Variants in RGS7BP observed in about 807,000 individuals in gnomAD.
RGS7BP encodes regulator of G protein signaling 7-binding protein.
Under a neutral mutation model 31.3 loss-of-function variants are expected in RGS7BP, and 9 were observed. The observed-to-expected ratio is 0.29, with a 90% confidence interval of 0.17 to 0.50. The LOEUF is 0.50. RGS7BP is among the 20% of genes least tolerant of loss of function. The pLI, the probability that RGS7BP is intolerant of heterozygous loss-of-function variation, is 0.98. For missense variants in RGS7BP, 274 were observed against 322.0 expected, an observed-to-expected ratio of 0.85 and a Z score of 1.14; for synonymous variants, 115 against 120.1, an observed-to-expected ratio of 0.96 and a Z score of 0.28.
rs1194420959 is a variant in RGS7BP, at chr5:64,611,982, C to A, written c.*2730C>A. On this transcript the variant is annotated 3_prime_UTR_variant, in exon 6 of 6. Transcript: ENST00000334025. Reference sequence around the variant, plus strand: ...AGGGTTAAGAAGAGAACATTGAACTCATTTTGTCGCATGTACCCACAGGCT... The same window carrying A: ...AGGGTTAAGAAGAGAACATTGAACTAATTTTGTCGCATGTACCCACAGGCT... The A allele has an allele frequency of 6.6e-6, 1 of 152,124 alleles. No homozygotes were observed. The highest frequency in any genetic ancestry group is 1.5e-5 in the Non-Finnish European group (1 of 67,886). 9.4% of individuals were successfully genotyped at this position (152,124 alleles called of 1,614,324 possible).
rs192107136 is a variant in RGS7BP at position 64,528,714 on chromosome 5, G to A, written c.332+20837G>A. On this transcript the variant is annotated intron_variant, in intron 2 of 5. Transcript: ENST00000334025. ...TAATCCCAGCTACTCAGGAGGCTGC[G>A]GCAGGAGAATCGCTTGAACCCGGGA... Among the ~76,000 whole-genome samples the A allele has an allele frequency of 4.0e-5, 6 of 151,476 alleles. No individual in the cohort carries two copies. The East Asian group carries it at 5.9e-4, about 15-fold the overall frequency.
intron 3 of RGS7BP, among the ~76,000 whole-genome samples, chr5:64,576,658 G>A (rs560319465): frequency 3.3e-5 from 5 of 152,208 alleles, no homozygotes; most frequent in African/African-American, 1.2e-4. Context: ...TGTAGATAGC[G>A]GGGAGGAATT....
At chr5:64,548,718 G>A (rs1238716141) in intron 2 of RGS7BP, among the ~76,000 whole-genome samples, 3 of 151,968 alleles carry the variant, frequency 2.0e-5, no homozygotes, top group Non-Finnish European at 4.4e-5. Context: ...TGTTGGCCAG[G>A]CTGGTCTCGA....
intron 2 of RGS7BP, among the ~76,000 whole-genome samples, chr5:64,548,857 T>C (rs2111830438): frequency 6.6e-6 from 1 of 151,956 alleles, no homozygotes; most frequent in Non-Finnish European, 1.5e-5. Context: ...TTTCCTTTTT[T>C]TTTTTTTTTT....
intron 2 of RGS7BP, among the ~76,000 whole-genome samples, chr5:64,519,915 T>C (rs997341967): frequency 6.6e-6 from 1 of 152,096 alleles, no homozygotes; most frequent in African/African-American, 2.4e-5. Context: ...GAGCTGAGAT[T>C]ATTTCACCAA....
At chr5:64,536,433 G>A (rs745314469) in intron 2 of RGS7BP, among the ~76,000 whole-genome samples, 10 of 152,046 alleles carry the variant, frequency 6.6e-5, no homozygotes, top group Non-Finnish European at 1.0e-4. Flanking sequence ...GTTTATTGTC[G>A]CACGCGTTCA....
intron 2 of RGS7BP, among the ~76,000 whole-genome samples, chr5:64,541,904 A>C (rs1000222086): frequency 4.6e-5 from 7 of 151,878 alleles, no homozygotes; most frequent in Admixed American, 2.6e-4. Context: ...CTTAGAAAGA[A>C]CTTCCCTAAG....
At chr5:64,594,053 G>C (rs1170177921) in intron 3 of RGS7BP, among the ~76,000 whole-genome samples, 3 of 152,186 alleles carry the variant, frequency 2.0e-5, no homozygotes, top group Non-Finnish European at 4.4e-5. Flanking sequence ...ACAAGTCTTA[G>C]TGGGTAGGTA....
intron 4 of RGS7BP, among the ~76,000 whole-genome samples, chr5:64,597,607 CAGA>C (rs1174234602): frequency 6.6e-6 from 1 of 151,112 alleles, no homozygotes; most frequent in African/African-American, 2.4e-5. Flanking sequence ...TAAAACCAAG[CAGA>C]AGATGGAATT....
chr5:64,605,838 C>T (rs867813113), intron 5 of RGS7BP, among the ~76,000 whole-genome samples: 1 of 151,208 alleles, frequency 6.6e-6, no homozygotes. Flanking sequence ...ATATAGTACA[C>T]ATAAATATAT....
Position 64,536,372 on chromosome 5 carries a change from G to A in RGS7BP, c.332+28495G>A, listed in dbSNP as rs151088688. On this transcript the variant is annotated intron_variant, in intron 2 of 5. Transcript: ENST00000334025. Reference sequence around the variant, plus strand: ...AGCATCAGATATCTCAGGTCAGGGAGCATAAAGAAAAAGAAATTATGTTAA... The same window carrying A: ...AGCATCAGATATCTCAGGTCAGGGAACATAAAGAAAAAGAAATTATGTTAA... Among the ~76,000 whole-genome samples the A allele has an allele frequency of 1.3e-4, 20 of 152,258 alleles. 1 individual carries two copies. The East Asian group carries it at 3.5e-3, about 26-fold the overall frequency.
intron 2 of RGS7BP, chr5:64,539,882 TAGG>T (rs1561327685): frequency 2.0e-5 from 3 of 152,218 alleles, no homozygotes; most frequent in African/African-American, 7.2e-5. Context: ...GTATGATATG[TAGG>T]TTAAGTTCAT....
At chr5:64,583,899 T>C (rs1258395207) in intron 3 of RGS7BP, among the ~76,000 whole-genome samples, 1 of 152,228 alleles carries the variant, frequency 6.6e-6, no homozygotes, top group African/African-American at 2.4e-5. Context: ...AATAGGATAA[T>C]AGCAATGACA....
chr5:64,540,988 C>T (rs1003947765), intron 2 of RGS7BP, among the ~76,000 whole-genome samples: 3 of 152,274 alleles, frequency 2.0e-5, no homozygotes, highest in South Asian at 2.1e-4. Flanking sequence ...TTGGCATGAA[C>T]GCTTTGGTGG....
intron 2 of RGS7BP, among the ~76,000 whole-genome samples, chr5:64,529,322 C>G (rs1749314001): frequency 1.3e-5 from 2 of 152,060 alleles, no homozygotes. Flanking sequence ...AGTGATTAGG[C>G]CTTTAGAAAT....
intron 5 of RGS7BP, among the ~76,000 whole-genome samples, chr5:64,606,378 C>T (rs554563045): frequency 6.6e-6 from 1 of 152,000 alleles, no homozygotes; most frequent in African/African-American, 2.4e-5. Context: ...TCAGTCTCTC[C>T]CCAAATTAGA....
chr5:64,564,633 CCA>C (rs1742128014), intron 2 of RGS7BP, among the ~76,000 whole-genome samples: 1 of 152,124 alleles, frequency 6.6e-6, no homozygotes, highest in African/African-American at 2.4e-5. Flanking sequence ...AAATTCTACT[CCA>C]CTAAAATTGA....
At chr5:64,571,576 C>T (rs1363763184) in intron 2 of RGS7BP, among the ~76,000 whole-genome samples, 1 of 152,132 alleles carries the variant, frequency 6.6e-6, no homozygotes, top group African/African-American at 2.4e-5. Flanking sequence ...TCACCACCAA[C>T]ATTGGGCATT....
chr5:64,526,649 G>A (rs910677277), intron 2 of RGS7BP, among the ~76,000 whole-genome samples: 2 of 152,136 alleles, frequency 1.3e-5, no homozygotes, highest in Non-Finnish European at 2.9e-5. Flanking sequence ...ACCTCTGTAG[G>A]ACAGTTAGGG....
Sources: allele counts gnomAD v4.1 joint callset (sites outside exome capture counted in the v4.1 genomes callset), GRCh38; gene constraint gnomAD v4.1.1; transcripts MANE v1.5; gene names NCBI Gene and HGNC (gene_info 2026-07-23, HGNC 2026-07-21).